The following PRP4K variants were observed in gnomAD, a reference collection of about 807,000 sequenced individuals.
PRP4K encodes pre-mRNA processing factor kinase PRP4K, also known as serine/threonine-protein kinase PRP4 homolog.
the PRP4K span, among the ~76,000 whole-genome samples, chr6:4,036,549 C>A: frequency 6.6e-6 from 1 of 151,728 alleles, no homozygotes; most frequent in Non-Finnish European, 1.5e-5. Flanking sequence ...GAGACAAGTT[C>A]TCACTCTGTC....
the PRP4K span, among the ~76,000 whole-genome samples, chr6:4,041,437 C>T: frequency 6.6e-6 from 1 of 152,104 alleles, no homozygotes; most frequent in East Asian, 1.9e-4. Flanking sequence ...GTGGCACACG[C>T]CTGTAGTCAG....
the PRP4K span, among the ~76,000 whole-genome samples, chr6:4,057,821 C>A: frequency 7.2e-6 from 1 of 139,778 alleles, no homozygotes; most frequent in Non-Finnish European, 1.5e-5. Context: ...GTGGCGCGAT[C>A]TCAGCTTACT....
the PRP4K span, among the ~76,000 whole-genome samples, chr6:4,030,829 A>G: frequency 6.6e-6 from 1 of 152,220 alleles, no homozygotes; most frequent in African/African-American, 2.4e-5. Flanking sequence ...CTAATGTCGT[A>G]TGATTGCTTA....
chr6:4,041,739 C>T, the PRP4K span, among the ~76,000 whole-genome samples: 2 of 151,998 alleles, frequency 1.3e-5, no homozygotes, highest in African/African-American at 2.4e-5. Flanking sequence ...ACAGGATAAC[C>T]CCCCACACAC....
chr6:4,030,159 T>G, the PRP4K span, among the ~76,000 whole-genome samples: 1 of 152,168 alleles, frequency 6.6e-6, no homozygotes, highest in Non-Finnish European at 1.5e-5. Flanking sequence ...GTCAGGCTGG[T>G]CTTGAACTCC....
chr6:4,056,978 A>G, the PRP4K span: 9 of 1,447,320 alleles, frequency 6.2e-6, no homozygotes, highest in South Asian at 1.1e-4. Flanking sequence ...GGAAATAAAA[A>G]TTAATAGTCG....
the PRP4K span, among the ~76,000 whole-genome samples, chr6:4,048,708 C>T: frequency 2.6e-5 from 4 of 151,804 alleles, no homozygotes; most frequent in African/African-American, 7.3e-5. Context: ...GCTGGGGCTA[C>T]AAACACATGC....
chr6:4,058,611 C>G, the PRP4K span: 9 of 792,074 alleles, frequency 1.1e-5, no homozygotes, highest in African/African-American at 3.5e-5. Flanking sequence ...AATCTGAGAT[C>G]AAACAAACCT....
chr6:4,054,495 C>A, the PRP4K span, among the ~76,000 whole-genome samples: 1 of 151,952 alleles, frequency 6.6e-6, no homozygotes, highest in Non-Finnish European at 1.5e-5. Context: ...TGGCCAATTT[C>A]ATAGTTGATT....
the PRP4K span, among the ~76,000 whole-genome samples, chr6:4,041,754 A>G: frequency 0.6 from 91,145 of 151,990 alleles, 28,901 homozygotes; most frequent in East Asian, 0.77. Context: ...ACACACACAC[A>G]CAAAAAGAAC....
chr6:4,056,278 A>G, the PRP4K span: 6 of 1,389,762 alleles, frequency 4.3e-6, no homozygotes, highest in Non-Finnish European at 6.1e-6. Flanking sequence ...TGTATTAATT[A>G]TTCCTGGCTT....
At chr6:4,050,798 A>C in the PRP4K span, among the ~76,000 whole-genome samples, 1 of 152,242 alleles carries the variant, frequency 6.6e-6, no homozygotes, top group Non-Finnish European at 1.5e-5. Context: ...TGCTTACTAT[A>C]AAATGTAGCT....
chr6:4,029,012 C>CTTTTTTT, the PRP4K span, among the ~76,000 whole-genome samples: 9 of 132,476 alleles, frequency 6.8e-5, no homozygotes, highest in African/African-American at 1.4e-4. Flanking sequence ...TACTTGGAAT[C>CTTTTTTT]TTTTTTTTTT....
chr6:4,033,812 A>C, the PRP4K span, among the ~76,000 whole-genome samples: 6 of 151,908 alleles, frequency 3.9e-5, no homozygotes, highest in African/African-American at 1.5e-4. Context: ...TTTACTTCTG[A>C]GTGGCACTGT....
chr6:4,021,561 A>G, the PRP4K span: 1 of 1,511,730 alleles, frequency 6.6e-7, no homozygotes, highest in Non-Finnish European at 9.0e-7. Flanking sequence ...CCTAACGGCG[A>G]GAGTCAAACT....
the PRP4K span, among the ~76,000 whole-genome samples, chr6:4,043,044 G>A: frequency 2.0e-4 from 31 of 152,242 alleles, no homozygotes; most frequent in African/African-American, 7.2e-4. Flanking sequence ...GATTGGGTGG[G>A]GAAAGAATGT....
chr6:4,048,222 CA>C, the PRP4K span, among the ~76,000 whole-genome samples: 1 of 151,572 alleles, frequency 6.6e-6, no homozygotes, highest in Non-Finnish European at 1.5e-5. Context: ...ACTAAAAATA[CA>C]AAAAAATAAG....
chr6:4,044,970 C>G, the PRP4K span, among the ~76,000 whole-genome samples: 3 of 151,704 alleles, frequency 2.0e-5, no homozygotes, highest in South Asian at 4.2e-4. Flanking sequence ...CCACACCATT[C>G]TCCTGCCTCA....
At chr6:4,032,612 A>C in the PRP4K span, 15 of 1,613,972 alleles carry the variant, frequency 9.3e-6, no homozygotes, top group African/African-American at 1.3e-5. Flanking sequence ...AATCAAGAAG[A>C]AGCAGGTCTC....
Sources: allele counts gnomAD v4.1 joint callset (sites outside exome capture counted in the v4.1 genomes callset), GRCh38; gene constraint gnomAD v4.1.1; transcripts MANE v1.5; gene names NCBI Gene and HGNC (gene_info 2026-07-23, HGNC 2026-07-21).